The following ZP1 variants were observed in gnomAD, a reference collection of about 807,000 sequenced individuals.
The protein encoded by ZP1 is zona pellucida sperm-binding protein 1.
Under a neutral mutation model 67.4 loss-of-function variants are expected in ZP1, and 58 were observed. That is an observed-to-expected ratio of 0.86 (90% CI 0.70 to 1.07). The LOEUF (loss-of-function observed/expected upper bound fraction) is 1.07. Ranked by LOEUF, ZP1 falls within the 50% of genes least tolerant of loss-of-function variation. ZP1 has a pLI of 0.00. For missense variants in ZP1, 759 were observed against 807.3 expected (o/e 0.94, Z 0.72); for synonymous variants, 333 against 332.7 (o/e 1.00, Z -0.01).
At position 60,875,202 on chromosome 11, in the gene ZP1, G is replaced by A. The variant is rs1314527213; in HGVS notation, c.1728G>A (p.Val576=). ...ACATCGTGAGCTCTCCGGGGCCAGT[G>A]GGCTTTGAGGATTCTTATGGGCAGG... ...PQDIVSSPGP[V]GFEDSYGQEP... The change falls in exon 11 of 12, where the codon GTG becomes GTA. Residue 576 remains valine (V), a synonymous_variant. Coordinates refer to ENST00000278853, the MANE Select transcript of ZP1 (RefSeq NM_207341.4). 6 of 1,613,674 alleles carry A rather than the reference G, an allele frequency of 3.7e-6. No homozygotes were observed. Among genetic ancestry groups the A allele is most frequent in the East Asian group, 2.2e-5 (1 of 44,888 alleles).
intron 6 of ZP1, among the ~76,000 whole-genome samples, chr11:60,871,825 G>C (rs1383311262): frequency 1.3e-5 from 2 of 152,228 alleles, no homozygotes; most frequent in African/African-American, 4.8e-5. Context: ...GCTGACTCAA[G>C]AGGCAAAACC....
At position 60,869,791 on chromosome 11, in the gene ZP1, C is replaced by CCCAA; in HGVS notation, c.576_579dup (p.Pro194AsnfsTer71). ...TGGACCCAGGGCACAGCTCTGTCCA[C>CCCAA]CCAACCCCTGCTTTACCATCCCCTG... On this transcript the variant is annotated frameshift_variant, in exon 3 of 12. Transcript: ENST00000278853. LOFTEE classifies it high-confidence loss of function. 1 of 1,613,984 alleles carries CCCAA rather than the reference C, an allele frequency of 6.2e-7. No homozygotes were observed. Among genetic ancestry groups the CCCAA allele is most frequent in the Middle Eastern group, 1.7e-4 (1 of 6,060 alleles).
chr11:60,875,440 G>A, intron 11 of ZP1, 74 bp from the exon 12 acceptor site: 1 of 1,585,562 alleles, frequency 6.3e-7, no homozygotes, highest in Non-Finnish European at 8.6e-7. Context: ...TGCCCAGTGT[G>A]ATACAAAGTT....
intron 8 of ZP1, 23 bp from the exon 9 acceptor site, chr11:60,873,611 G>A (rs1348530074): frequency 1.9e-6 from 3 of 1,614,060 alleles, no homozygotes; most frequent in East Asian, 4.5e-5. Context: ...CCTGTAAACA[G>A]CCTCTCTGAC....
chr11:60,869,519 A>T lies in ZP1; in HGVS notation c.319-18A>T. 6.3e-7 allele frequency: 1 copy of T among 1,586,112 alleles called. No homozygotes were observed. Among genetic ancestry groups the T allele is most frequent in the Non-Finnish European group, 8.6e-7 (1 of 1,163,190 alleles). On this transcript the variant is annotated intron_variant, in intron 2 of 11. Transcript: ENST00000278853. ...GGTGGCCTCACCTTGCTGCTCTATG[A>T]TGGCCTCTCACCTGCAGGATGGGCG... is the stretch of plus-strand genomic sequence containing the variant.
chr11:60,873,257 GC>G lies in ZP1; in HGVS notation c.1213del (p.Leu405CysfsTer25). 2 of 1,593,214 alleles carry G rather than the reference GC, an allele frequency of 1.3e-6. No homozygotes were observed. The highest frequency in any genetic ancestry group is 1.7e-5 in the Admixed American group (1 of 58,470). On this transcript the variant is annotated frameshift_variant, in exon 7 of 12. Coordinates refer to ENST00000278853, the MANE Select transcript of ZP1 (RefSeq NM_207341.4). LOFTEE classifies it high-confidence loss of function. Reference sequence around the variant, plus strand: ...TCGCCTGCTCCTATGACCCAGCCCGGCCCCCTGCGGCTTGAGCTGCGGATTG... The same window carrying G: ...TCGCCTGCTCCTATGACCCAGCCCGGCCCCTGCGGCTTGAGCTGCGGATTG... ...PPSPAPMTQP[G>X]PLRLELRIAK...
At chr11:60,870,907 T>C in intron 4 of ZP1, 50 bp from the exon 5 acceptor site, 2 of 1,556,608 alleles carry the variant, frequency 1.3e-6, no homozygotes, top group Non-Finnish European at 1.7e-6. Context: ...ATCCCGTCTC[T>C]GTGCTGGATG....
intron 6 of ZP1, 32 bp from the exon 7 acceptor site, chr11:60,873,130 T>C: frequency 6.6e-7 from 1 of 1,519,680 alleles, no homozygotes; most frequent in Non-Finnish European, 8.8e-7. Flanking sequence ...ATTCTGTGTC[T>C]TCTCCCCCAC....
At chr11:60,870,690 C>T (rs916940870) in intron 4 of ZP1, 3 of 688,754 alleles carry the variant, frequency 4.4e-6, no homozygotes, top group South Asian at 4.0e-5. Flanking sequence ...ATCTACCTTA[C>T]ACACATCTGG....
intron 9 of ZP1, 58 bp downstream of exon 9, chr11:60,873,833 C>T (rs1855643740): frequency 4.4e-6 from 7 of 1,600,648 alleles, no homozygotes; most frequent in East Asian, 4.5e-5. Flanking sequence ...AGGAGCTGGT[C>T]GCCAAATCCC....
In ZP1 at chr11:60,873,706, C is replaced by T. The variant is rs141506011; in HGVS notation, c.1503C>T (p.His501=). The change falls in exon 9 of 12, where the codon CAC becomes CAT. Residue 501 remains histidine (H), a synonymous_variant. Coordinates refer to ENST00000278853, the MANE Select transcript of ZP1 (RefSeq NM_207341.4). ...ACGGGGCCACACCTTTCCAGTCGCACTACCAGCGATTCACTGTTGCTACCT... is the reference window on the plus strand; with the variant it reads ...ACGGGGCCACACCTTTCCAGTCGCATTACCAGCGATTCACTGTTGCTACCT... The part of the protein sequence containing the change: ...ALDGATPFQS[H]YQRFTVATFA... 3.6e-5 allele frequency: 58 copies of T among 1,614,094 alleles called. No homozygotes were observed. The highest frequency in any genetic ancestry group is 1.4e-4 in the South Asian group (13 of 91,090).
Position 60,869,826 on chromosome 11 carries a change from C to A in ZP1, c.608C>A (p.Pro203His). 1 of 1,609,382 alleles carries A rather than the reference C, an allele frequency of 6.2e-7. No homozygotes were observed. Among genetic ancestry groups the A allele is most frequent in the Non-Finnish European group, 8.5e-7 (1 of 1,177,390 alleles). Residue 203 changes from proline (P) to histidine (H), a missense_variant, in exon 3 of 12, where the codon CCT becomes CAT. Coordinates refer to ENST00000278853, the MANE Select transcript of ZP1 (RefSeq NM_207341.4). The stretch of plus-strand genomic sequence containing the variant: ...GCTTTACCATCCCCTGGACCTGGAC[C>A]TACCCTCGCCACCCTGGCTCAACCC... ...TPALPSPGPG[P>H]TLATLAQPHW...
In ZP1 at chr11:60,873,750, G is replaced by T; in HGVS notation, c.1547G>T (p.Gly516Val). ...TVATFALLDS[G>V]SQRALRGLVY... is the part of the protein sequence containing the mutation. ...GCTACCTTCGCCCTCCTGGACTCAG[G>T]CTCCCAGAGAGCCCTCAGAGGACTG... is the stretch of plus-strand genomic sequence containing the variant. The change falls in exon 9 of 12, where the codon GGC (glycine) becomes GTC (valine). Residue 516 changes from glycine to valine, a missense_variant. Gly to Val is a moderately radical substitution (Grantham distance 109). Transcript: ENST00000278853. The T allele has an allele frequency of 6.2e-7, 1 of 1,614,040 alleles. No individual in the cohort carries two copies. The highest frequency in any genetic ancestry group is 8.5e-7 in the Non-Finnish European group (1 of 1,180,040).
chr11:60,870,213 A>C, intron 3 of ZP1, 119 bp from the exon 4 acceptor site: 1 of 1,044,530 alleles, frequency 9.6e-7, no homozygotes, highest in Middle Eastern at 3.2e-4. Flanking sequence ...GTTTTGAGGG[A>C]GGACATTTAC....
Position 60,870,448 on chromosome 11 carries a change from G to T in ZP1, c.799G>T (p.Glu267Ter). The stretch of plus-strand genomic sequence containing the variant: ...TGGCTGCTGCTATGACAACACCAGA[G>T]AGGTTCCCTGTTACTATGGCAACAC... ...QAGCCYDNTR[E>*]VPCYYGNTAT... Residue 267 changes from glutamate to a stop codon, truncating the protein, a stop_gained, in exon 4 of 12, where the codon GAG becomes TAG. Coordinates refer to ENST00000278853, the MANE Select transcript of ZP1 (RefSeq NM_207341.4). LOFTEE classifies it high-confidence loss of function. 1.2e-6 allele frequency: 2 copies of T among 1,612,150 alleles called. No homozygotes were observed. Among genetic ancestry groups the T allele is most frequent in the South Asian group, 1.1e-5 (1 of 90,564 alleles).
In ZP1 at chr11:60,867,586, T is replaced by G. The variant is rs768773325; in HGVS notation, c.25T>G (p.Trp9Gly). MAGGSATT[W>G]GYPVALLLLV... The stretch of plus-strand genomic sequence containing the variant: ...CATGGCAGGAGGCTCAGCCACGACC[T>G]GGGGTTACCCTGTGGCCCTGCTACT... Residue 9 changes from tryptophan (W) to glycine (G), a missense_variant, in exon 1 of 12, where the codon TGG becomes GGG. Transcript: ENST00000278853. 4 of 1,611,756 alleles carry G rather than the reference T, an allele frequency of 2.5e-6. No individual in the cohort carries two copies. The highest frequency in any genetic ancestry group is 1.7e-6 in the Non-Finnish European group (2 of 1,178,648).
Position 60,869,650 on chromosome 11 carries a change from G to A in ZP1, c.432G>A (p.Leu144=). 1 of 1,614,144 alleles carries A rather than the reference G, an allele frequency of 6.2e-7. No individual in the cohort carries two copies. The highest frequency in any genetic ancestry group is 1.1e-5 in the South Asian group (1 of 91,076). Residue 144 remains leucine, a synonymous_variant, in exon 3 of 12, where the codon CTG becomes CTA. Coordinates refer to ENST00000278853, the MANE Select transcript of ZP1 (RefSeq NM_207341.4). ...ICPKPDPSRT[L]DSQLAPPAMF... ...CCAAACCTGACCCCTCCCGGACTCT[G>A]GACTCCCAGCTGGCACCACCCGCCA...
chr11:60,870,493 A>G lies in ZP1; in HGVS notation c.826+18A>G. On this transcript the variant is annotated intron_variant, in intron 4 of 11. Coordinates refer to ENST00000278853, the MANE Select transcript of ZP1 (RefSeq NM_207341.4). ...CAACACAGGTACAACCTCCCACCCCAGCAAGATCCTGGTCCCTTGGATTCT... is the reference window on the plus strand; with the variant it reads ...CAACACAGGTACAACCTCCCACCCCGGCAAGATCCTGGTCCCTTGGATTCT... 6.3e-7 allele frequency: 1 copy of G among 1,589,082 alleles called. No individual in the cohort carries two copies. The highest frequency in any genetic ancestry group is 8.6e-7 in the Non-Finnish European group (1 of 1,166,432).
chr11:60,868,394 T>A lies in ZP1; in HGVS notation c.196+637T>A, dbSNP rs141981291. Among the ~76,000 whole-genome samples, 36 of 152,234 alleles carry A rather than the reference T, an allele frequency of 2.4e-4. No homozygotes were observed. In the East Asian group the frequency reaches 3.5e-3, roughly 15 times the overall value. ...GCTCAGTCAAAACTGAGGCTGAGGGTCCATAAACCACTTCCAGCAGCAGGA... is the reference window on the plus strand; with the variant it reads ...GCTCAGTCAAAACTGAGGCTGAGGGACCATAAACCACTTCCAGCAGCAGGA... On this transcript the variant is annotated intron_variant, in intron 1 of 11. Transcript: ENST00000278853.
Sources: gnomAD v4.1 joint callset for allele counts (sites outside exome capture counted in the v4.1 genomes callset) on GRCh38, gnomAD v4.1.1 for gene constraint, MANE v1.5 for transcripts, NCBI Gene and HGNC (gene_info 2026-07-23, HGNC 2026-07-21) for gene names.